GPA33: variants seen among roughly 807,000 people sequenced by gnomAD.
GPA33 encodes the protein glycoprotein A33.
In GPA33, 27 loss-of-function variants were observed where a neutral mutation model predicts 35.6. That is an observed-to-expected ratio of 0.76 (90% CI 0.56 to 1.04). GPA33 has a LOEUF of 1.04. GPA33 is among the 50% of genes least tolerant of loss of function. The pLI is 0.00. For synonymous variants in GPA33, 176 were observed against 164.0 expected (o/e 1.07, Z -0.56); for missense variants, 428 against 411.9 (o/e 1.04, Z -0.34).
chr1:167,068,750 T>C (rs112624479), intron 3 of GPA33, among the ~76,000 whole-genome samples, 172 bp downstream of exon 3: 7 of 152,260 alleles, frequency 4.6e-5, no homozygotes, highest in African/African-American at 1.7e-4. Flanking sequence ...CAGAATAGTG[T>C]TTAGTTCCAA....
intron 1 of GPA33, among the ~76,000 whole-genome samples, chr1:167,079,512 A>T (rs1286176028): frequency 6.6e-6 from 1 of 152,036 alleles, no homozygotes; most frequent in Non-Finnish European, 1.5e-5. Flanking sequence ...GAAAAAAAAG[A>T]AAACTTGCAC....
intron 1 of GPA33, among the ~76,000 whole-genome samples, chr1:167,082,795 C>T (rs894011426): frequency 6.6e-6 from 1 of 152,190 alleles, no homozygotes; most frequent in Non-Finnish European, 1.5e-5. Context: ...GTCTGTCTGT[C>T]GCCATGTTCT....
At chr1:167,067,410 T>C (rs1666624779) in intron 3 of GPA33, among the ~76,000 whole-genome samples, 1 of 152,162 alleles carries the variant, frequency 6.6e-6, no homozygotes, top group African/African-American at 2.4e-5. Flanking sequence ...CCCTTCTTCT[T>C]TTTTAAAAAA....
intron 1 of GPA33, among the ~76,000 whole-genome samples, chr1:167,084,455 G>T (rs758384529): frequency 4.6e-5 from 7 of 152,224 alleles, no homozygotes; most frequent in Non-Finnish European, 4.4e-5. Context: ...CTTTTAAACT[G>T]CTCTCAACAA....
At chr1:167,070,010 C>T (rs1374610860) in intron 2 of GPA33, among the ~76,000 whole-genome samples, 1 of 152,014 alleles carries the variant, frequency 6.6e-6, no homozygotes, top group East Asian at 1.9e-4. Context: ...TCTCTAGGAC[C>T]CCAGAAGAAA....
At chr1:167,077,371 A>G (rs1571316896) in intron 1 of GPA33, among the ~76,000 whole-genome samples, 1 of 152,108 alleles carries the variant, frequency 6.6e-6, no homozygotes, top group Non-Finnish European at 1.5e-5. Context: ...TGGTGTAGTC[A>G]TGGCAACTGC....
intron 1 of GPA33, among the ~76,000 whole-genome samples, chr1:167,081,893 T>C (rs1293407544): frequency 1.7e-4 from 26 of 152,224 alleles, no homozygotes; most frequent in Admixed American, 1.7e-3. Flanking sequence ...TAAGGCCTTG[T>C]TGATTGAGTG....
At chr1:167,074,242 C>A (rs2102192882) in intron 1 of GPA33, among the ~76,000 whole-genome samples, 1 of 151,934 alleles carries the variant, frequency 6.6e-6, no homozygotes, top group Non-Finnish European at 1.5e-5. Context: ...CTGGGTGCAC[C>A]TGTGACTCCA....
intron 2 of GPA33, among the ~76,000 whole-genome samples, chr1:167,071,324 G>A (rs574570141): frequency 2.0e-5 from 3 of 152,080 alleles, no homozygotes; most frequent in Non-Finnish European, 2.9e-5. Flanking sequence ...TGAATTGAGC[G>A]AAAAAAGAGG....
At chr1:167,069,702 A>G (rs1666677040) in intron 2 of GPA33, among the ~76,000 whole-genome samples, 1 of 152,248 alleles carries the variant, frequency 6.6e-6, no homozygotes, top group African/African-American at 2.4e-5. Context: ...CCATTCTGCC[A>G]TGTACTAATT....
At chr1:167,060,577 T>G (rs1666417246) in intron 4 of GPA33, among the ~76,000 whole-genome samples, 1 of 151,946 alleles carries the variant, frequency 6.6e-6, no homozygotes, top group African/African-American at 2.4e-5. Flanking sequence ...AAATTAAAGC[T>G]TTCACAAATT....
chr1:167,057,778 T>C (rs756615853), intron 4 of GPA33, among the ~76,000 whole-genome samples: 1 of 152,206 alleles, frequency 6.6e-6, no homozygotes, highest in Non-Finnish European at 1.5e-5. Context: ...CTCCAATTCA[T>C]GGAGTTAACT....
At chr1:167,082,373 A>C in intron 1 of GPA33, 1 of 451,940 alleles carries the variant, frequency 2.2e-6, no homozygotes, top group South Asian at 1.6e-5. Context: ...AAAAGTAGAG[A>C]CAGTGAGGGC....
chr1:167,081,438 T>C (rs1259018027), intron 1 of GPA33, among the ~76,000 whole-genome samples: 1 of 152,168 alleles, frequency 6.6e-6, no homozygotes, highest in East Asian at 1.9e-4. Context: ...CCTTCCTCTA[T>C]GGGCAGGGAG....
chr1:167,083,008 C>T (rs981344905), intron 1 of GPA33, among the ~76,000 whole-genome samples: 3 of 152,146 alleles, frequency 2.0e-5, no homozygotes, highest in Non-Finnish European at 2.9e-5. Context: ...AGAGAGAAGA[C>T]GATGGAGGGC....
chr1:167,081,088 G>C (rs1018205062), intron 1 of GPA33, among the ~76,000 whole-genome samples: 1 of 152,212 alleles, frequency 6.6e-6, no homozygotes, highest in African/African-American at 2.4e-5. Flanking sequence ...GCCAGCCTGA[G>C]GTCTCGATGA....
In GPA33 at chr1:167,065,308, G is replaced by A. The variant is rs1666567642; in HGVS notation, c.416-1571C>T. Among the ~76,000 whole-genome samples, 4 of 152,220 alleles carry A rather than the reference G, an allele frequency of 2.6e-5. No individual in the cohort carries two copies. In the South Asian group the frequency reaches 8.3e-4, roughly 32 times the overall value. On this transcript the variant is annotated intron_variant, in intron 3 of 6. Transcript: ENST00000367868. ...TAAACAAGGCCAGTGGTGGAGGTGG[G>A]AGTGGTGGTCGGAGAAAGAGGTGAT...
At chr1:167,063,812 C>A in intron 3 of GPA33, 75 bp from the exon 4 acceptor site, 1 of 1,081,562 alleles carries the variant, frequency 9.2e-7, no homozygotes, top group South Asian at 1.3e-5. Context: ...CCTCCCCACC[C>A]ACCCCCCACA....
intron 3 of GPA33, 79 bp downstream of exon 3, chr1:167,068,843 C>G (rs573292060): frequency 1.5e-5 from 17 of 1,103,194 alleles, no homozygotes; most frequent in Non-Finnish European, 2.2e-5. Context: ...GGCTTCGTCT[C>G]AACACCTGGG....
Sources: gnomAD v4.1 joint callset for allele counts (sites outside exome capture counted in the v4.1 genomes callset) on GRCh38, gnomAD v4.1.1 for gene constraint, MANE v1.5 for transcripts, NCBI Gene and HGNC (gene_info 2026-07-23, HGNC 2026-07-21) for gene names.